CNDP1: variants seen among roughly 807,000 people sequenced by gnomAD.
CNDP1 encodes beta-Ala-His dipeptidase.
A neutral mutation model predicts 58.1 loss-of-function variants in CNDP1; 44 were observed. The observed-to-expected ratio is 0.76, with a 90% confidence interval of 0.60 to 0.97. CNDP1 has a LOEUF of 0.97. Among genes scored for constraint, CNDP1 ranks in the 50% least tolerant of loss-of-function variants. The probability of loss-of-function intolerance (pLI) is 0.00; values close to 1 mark genes in which losing one functional copy is unlikely to be tolerated. For missense variants in CNDP1, 616 were observed against 655.1 expected, an observed-to-expected ratio of 0.94 and a Z score of 0.65; for synonymous variants, 254 against 252.6, an observed-to-expected ratio of 1.01 and a Z score of -0.05.
At chr18:74,561,129 C>A in intron 4 of CNDP1, 111 bp downstream of exon 4, 1 of 1,359,804 alleles carries the variant, frequency 7.4e-7, no homozygotes, top group Non-Finnish European at 1.0e-6. Flanking sequence ...ATTAAGAATG[C>A]ATAGGCCGGG....
intron 10 of CNDP1, among the ~76,000 whole-genome samples, chr18:74,581,233 T>A (rs984219950): frequency 2.3e-5 from 3 of 129,626 alleles, no homozygotes; most frequent in African/African-American, 8.5e-5. Flanking sequence ...TGTGTGTGTG[T>A]GTGTGTGTGT....
Position 74,560,969 on chromosome 18 carries a change from CCGGGG to C in CNDP1, c.420_424del (p.Gly141TrpfsTer54). ...GCCACTTGGACGTGCAGCCTGCTGA[CCGGGG>C]CGATGGGTGGCTCACGGACCCCTAT... On this transcript the variant is annotated frameshift_variant, in exon 4 of 12. Transcript: ENST00000358821. LOFTEE classifies it high-confidence loss of function. 2 of 1,614,186 alleles carry C rather than the reference CCGGGG, an allele frequency of 1.2e-6. No individual in the cohort carries two copies.
In CNDP1 at chr18:74,571,286, G is replaced by T. The variant is rs188564445; in HGVS notation, c.841+16G>T. On this transcript the variant is annotated intron_variant, in intron 7 of 11. Coordinates refer to ENST00000358821, the MANE Select transcript of CNDP1 (RefSeq NM_032649.6). The stretch of plus-strand genomic sequence containing the variant: ...GCTCTTCTCGGTAATGCCTTATTTT[G>T]TTTCACTTTTTAAGCATCAGGGATC... The T allele has an allele frequency of 4.3e-5, 67 of 1,568,318 alleles. No homozygotes were observed. The Admixed American group carries it at 8.9e-4, about 21-fold the overall frequency.
In CNDP1 at chr18:74,545,338, C is replaced by T. The variant is rs566490213; in HGVS notation, c.24+10647C>T. On this transcript the variant is annotated intron_variant, in intron 1 of 11. Coordinates refer to ENST00000358821, the MANE Select transcript of CNDP1 (RefSeq NM_032649.6). This position sits in a 1 kb window ranked among gnomAD's most constrained non-coding sequence, Gnocchi z 4.1. ...GTGGCCAAGCCCTGGAGTCCACCCC[C>T]GCCTTTAACCGGGGACCTTGGTTCA... 4.6e-5 allele frequency among the ~76,000 whole-genome samples: 7 copies of T among 152,204 alleles called. No individual in the cohort carries two copies. Among genetic ancestry groups the T allele is most frequent in the South Asian group, 2.1e-4 (1 of 4,836 alleles).
chr18:74,563,161 T>A (rs1981245144), intron 5 of CNDP1, among the ~76,000 whole-genome samples: 1 of 152,174 alleles, frequency 6.6e-6, no homozygotes, highest in African/African-American at 2.4e-5. Flanking sequence ...TCCTGAGACA[T>A]AAGCAGATGG....
intron 8 of CNDP1, 80 bp downstream of exon 8, chr18:74,577,109 C>G: frequency 7.8e-7 from 1 of 1,284,904 alleles, no homozygotes; most frequent in Middle Eastern, 2.0e-4. Context: ...AAGTCATTGT[C>G]TGGTGCTAAT....
intron 1 of CNDP1, among the ~76,000 whole-genome samples, chr18:74,555,136 A>C (rs1423382515): frequency 6.6e-6 from 1 of 152,210 alleles, no homozygotes. Flanking sequence ...ACAAGTCAGA[A>C]TTTGATAACG....
intron 6 of CNDP1, among the ~76,000 whole-genome samples, chr18:74,567,989 C>T (rs1981374764): frequency 6.6e-6 from 1 of 152,222 alleles, no homozygotes; most frequent in African/African-American, 2.4e-5. Context: ...ATAACGCCCC[C>T]TCCCAGGATG....
intron 1 of CNDP1, among the ~76,000 whole-genome samples, chr18:74,541,040 G>A (rs1004453): frequency 0.93 from 141,760 of 152,260 alleles, 66,836 homozygotes; most frequent in East Asian, 1. Context: ...ACCCACTAGC[G>A]GCGTTCTGGG....
At chr18:74,572,947 C>T (rs980517431) in intron 7 of CNDP1, among the ~76,000 whole-genome samples, 17 of 152,116 alleles carry the variant, frequency 1.1e-4, no homozygotes, top group African/African-American at 4.1e-4. Context: ...TACAATCAGC[C>T]CAGATGGCCC....
chr18:74,536,989 GT>G (rs1207564863), intron 1 of CNDP1, among the ~76,000 whole-genome samples: 1 of 152,010 alleles, frequency 6.6e-6, no homozygotes, highest in African/African-American at 2.4e-5. Context: ...GGGATTGTTT[GT>G]TTTTTCTTGT....
rs796696613 is a variant in CNDP1, at chr18:74,545,566, T to C, written c.25-10772T>C. On this transcript the variant is annotated intron_variant, in intron 1 of 11. Transcript: ENST00000358821. The surrounding 1 kb of genome is among the most constrained non-coding windows in gnomAD (Gnocchi z 4.1). ...AAAACCCTGCCAGGCTCTCCTCTCC[T>C]GACTCCGTGAGAAATCTCTGCTCTC... 6.6e-6 allele frequency among the ~76,000 whole-genome samples: 1 copy of C among 152,282 alleles called. No individual in the cohort carries two copies. The highest frequency in any genetic ancestry group is 2.4e-5 in the African/African-American group (1 of 41,570).
chr18:74,571,307 G>A (rs1203014461), intron 7 of CNDP1, 37 bp downstream of exon 7: 3 of 1,396,490 alleles, frequency 2.1e-6, no homozygotes, highest in Non-Finnish European at 3.1e-6. Context: ...TAAGCATCAG[G>A]GATCAACTAA....
Position 74,560,940 on chromosome 18 carries a change from T to C in CNDP1, c.388T>C (p.Tyr130His), listed in dbSNP as rs777966292. The change falls in exon 4 of 12, where the codon TAC becomes CAC. Residue 130 changes from tyrosine (Y) to histidine (H), a missense_variant. Coordinates refer to ENST00000358821, the MANE Select transcript of CNDP1 (RefSeq NM_032649.6). ...TCCCACGAAAGGCACCGTGTGCTTCTACGGCCACTTGGACGTGCAGCCTGC... is the reference window on the plus strand; with the variant it reads ...TCCCACGAAAGGCACCGTGTGCTTCCACGGCCACTTGGACGTGCAGCCTGC... ...SDPTKGTVCF[Y>H]GHLDVQPADR... 1.6e-5 allele frequency: 26 copies of C among 1,614,088 alleles called. No homozygotes were observed. Among genetic ancestry groups the C allele is most frequent in the Non-Finnish European group, 2.1e-5 (25 of 1,180,056 alleles).
chr18:74,564,426 A>G (rs1314713944), intron 5 of CNDP1, among the ~76,000 whole-genome samples: 1 of 152,220 alleles, frequency 6.6e-6, no homozygotes, highest in Non-Finnish European at 1.5e-5. Flanking sequence ...CTCAAGTTCC[A>G]TTTTGCTGCA....
At chr18:74,547,475 C>T (rs777427371) in intron 1 of CNDP1, among the ~76,000 whole-genome samples, 3 of 152,216 alleles carry the variant, frequency 2.0e-5, no homozygotes, top group Admixed American at 1.3e-4. Flanking sequence ...CCAAAATAAA[C>T]AAAAACAACC....
chr18:74,584,758 TC>T lies in CNDP1; in HGVS notation c.*201del. The T allele has an allele frequency of 1.8e-6, 1 of 553,862 alleles. No individual in the cohort carries two copies. The highest frequency in any genetic ancestry group is 3.2e-6 in the Non-Finnish European group (1 of 309,566). 34.3% of individuals were successfully genotyped at this position (553,862 alleles called of 1,614,324 possible). On this transcript the variant is annotated 3_prime_UTR_variant, in exon 12 of 12. Coordinates refer to ENST00000358821, the MANE Select transcript of CNDP1 (RefSeq NM_032649.6). Reference sequence around the variant, plus strand: ...CACAGATGTTGGAAATGGTTTAAGGTCCCCCACTGCACACCTTCCTCAAGTC... The same window carrying T: ...CACAGATGTTGGAAATGGTTTAAGGTCCCCACTGCACACCTTCCTCAAGTC...
In CNDP1 at chr18:74,584,989, T is replaced by C. The variant is rs1348248647; in HGVS notation, c.*427T>C. 6.3e-6 allele frequency: 1 copy of C among 159,824 alleles called. No homozygotes were observed. The highest frequency in any genetic ancestry group is 1.4e-5 in the Non-Finnish European group (1 of 72,392). 9.9% of individuals were successfully genotyped at this position (159,824 alleles called of 1,614,324 possible). A position where few individuals can be genotyped will look rare whatever the true frequency, so the allele number is the denominator to read the frequency against. The stretch of plus-strand genomic sequence containing the variant: ...GCTTTACCACTCTTTCCTTTTATCT[T>C]ATTAATAAAAATGTTGGTCTCCACC... On this transcript the variant is annotated 3_prime_UTR_variant, in exon 12 of 12. Transcript: ENST00000358821.
At chr18:74,567,012 A>G in intron 5 of CNDP1, 2 of 547,816 alleles carry the variant, frequency 3.7e-6, no homozygotes, top group Non-Finnish European at 6.5e-6. Context: ...AAAATGCGGA[A>G]GAAGCAAACC....
Sources: allele counts gnomAD v4.1 joint callset (sites outside exome capture counted in the v4.1 genomes callset), GRCh38; gene constraint gnomAD v4.1.1; non-coding constraint Gnocchi (gnomAD v3.1); transcripts MANE v1.5; gene names NCBI Gene and HGNC (gene_info 2026-07-23, HGNC 2026-07-21).